Variants in GPT2 observed in about 807,000 individuals in gnomAD.
GPT2 encodes alanine aminotransferase 2.
GPT2 carries 30 observed loss-of-function variants against 56.9 expected under a neutral mutation model. That is an observed-to-expected ratio of 0.53 (90% confidence interval 0.39 to 0.72). The LOEUF (loss-of-function observed/expected upper bound fraction) is 0.72. Ranked by LOEUF, GPT2 falls within the 30% of genes least tolerant of loss-of-function variation. The probability of loss-of-function intolerance (pLI) is 0.00; values close to 1 mark genes in which losing one functional copy is unlikely to be tolerated. For synonymous variants in GPT2, 271 were observed against 283.1 expected (o/e 0.96, Z 0.43); for missense variants, 542 against 703.4 (o/e 0.77, Z 2.60).
intron 2 of GPT2, chr16:46,885,221 G>A: frequency 7.3e-6 from 9 of 1,233,292 alleles, no homozygotes; most frequent in Admixed American, 4.2e-5. Context: ...GCCAGGCACC[G>A]CACGTTGTGT....
intron 6 of GPT2, 59 bp from the exon 7 acceptor site, chr16:46,916,569 C>T (rs1337648718): frequency 7.6e-7 from 1 of 1,314,296 alleles, no homozygotes; most frequent in Non-Finnish European, 1.1e-6. Context: ...GGCTTCTGAC[C>T]TGGGGACAAT....
At chr16:46,917,675 C>T (rs899184152) in intron 7 of GPT2, among the ~76,000 whole-genome samples, 1 of 152,070 alleles carries the variant, frequency 6.6e-6, no homozygotes, top group African/African-American at 2.4e-5. Context: ...ATGCCACACA[C>T]ATAAATGCAG....
chr16:46,901,439 C>T (rs1960815015), intron 4 of GPT2, among the ~76,000 whole-genome samples: 1 of 152,202 alleles, frequency 6.6e-6, no homozygotes, highest in African/African-American at 2.4e-5. Context: ...GATTCTCTCC[C>T]TCCCCTGCGG....
At chr16:46,888,305 A>G (rs774354469) in intron 2 of GPT2, among the ~76,000 whole-genome samples, 6 of 152,228 alleles carry the variant, frequency 3.9e-5, no homozygotes, top group African/African-American at 9.6e-5. Flanking sequence ...TGCCAAGCAC[A>G]TGTGTTGAAT....
intron 4 of GPT2, among the ~76,000 whole-genome samples, chr16:46,902,966 G>C (rs1041921574): frequency 9.9e-5 from 15 of 151,810 alleles, no homozygotes; most frequent in African/African-American, 2.9e-4. Flanking sequence ...ATTATTTCTT[G>C]GGCCGGGCGT....
rs961662894 is a variant in GPT2, at chr16:46,888,126, T to C, written c.243+3168T>C. On this transcript the variant is annotated intron_variant, in intron 2 of 11. Coordinates refer to ENST00000340124, the MANE Select transcript of GPT2 (RefSeq NM_133443.4). ...TGGTACAAGTGGAGACAGGAATGGCTTTGCTTCTGGTTGTAAGGCAACAGT... is the reference window on the plus strand; with the variant it reads ...TGGTACAAGTGGAGACAGGAATGGCCTTGCTTCTGGTTGTAAGGCAACAGT... 7.2e-5 allele frequency among the ~76,000 whole-genome samples: 11 copies of C among 152,348 alleles called. No individual in the cohort carries two copies. In the South Asian group the frequency reaches 1.2e-3, roughly 17 times the overall value.
At chr16:46,906,439 G>T (rs182752975) in intron 4 of GPT2, among the ~76,000 whole-genome samples, 29 of 152,302 alleles carry the variant, frequency 1.9e-4, no homozygotes, top group Non-Finnish European at 3.4e-4. Context: ...CATGGTAAAG[G>T]CATGGGAATC....
rs1961498012 is a variant in GPT2, at chr16:46,929,743, C to T, written c.*746C>T. 1 of 152,426 alleles carries T rather than the reference C, an allele frequency of 6.6e-6. No individual in the cohort carries two copies. Among genetic ancestry groups the T allele is most frequent in the Non-Finnish European group, 1.5e-5 (1 of 68,196 alleles). The allele number at this position is 152,426 out of a possible 1,614,324, so 9.4% of individuals were successfully genotyped here. A position where few individuals can be genotyped will look rare whatever the true frequency, so the allele number is the denominator to read the frequency against. On this transcript the variant is annotated 3_prime_UTR_variant, in exon 12 of 12. Transcript: ENST00000340124. ...CCCTTGAACATGCGTAGGCTGGAAC[C>T]CCGTCTGAGAGGTCTCCCTGAATTT...
At chr16:46,891,186 T>G (rs1960577503) in intron 2 of GPT2, among the ~76,000 whole-genome samples, 1 of 152,146 alleles carries the variant, frequency 6.6e-6, no homozygotes, top group Non-Finnish European at 1.5e-5. Context: ...AAATACAGTA[T>G]TATTAATTAT....
At chr16:46,892,767 T>C (rs1366836776) in intron 2 of GPT2, among the ~76,000 whole-genome samples, 3 of 152,226 alleles carry the variant, frequency 2.0e-5, no homozygotes, top group African/African-American at 7.2e-5. Flanking sequence ...TCAGGTTTAA[T>C]CAGTTTTTTT....
At chr16:46,908,593 C>T (rs1195674934) in intron 5 of GPT2, among the ~76,000 whole-genome samples, 2 of 152,156 alleles carry the variant, frequency 1.3e-5, no homozygotes, top group Non-Finnish European at 2.9e-5. Context: ...ACGTTAAGCT[C>T]TTATTGGAGC....
At chr16:46,891,253 A>AT (rs1042298669) in intron 2 of GPT2, among the ~76,000 whole-genome samples, 1 of 144,054 alleles carries the variant, frequency 6.9e-6, no homozygotes, top group Non-Finnish European at 1.5e-5. Context: ...TTAAATTACT[A>AT]TTTTTTTGAG....
chr16:46,910,062 C>A, intron 6 of GPT2, 135 bp downstream of exon 6: 2 of 1,252,402 alleles, frequency 1.6e-6, no homozygotes, highest in African/African-American at 1.5e-5. Context: ...AACCTAAAGC[C>A]ATGAAATTTG....
intron 2 of GPT2, chr16:46,885,433 C>A: frequency 5.2e-6 from 5 of 969,470 alleles, no homozygotes; most frequent in Non-Finnish European, 4.9e-6. Flanking sequence ...TGGTTCTGTT[C>A]CCCAGTCTCT....
rs1427250183 is a variant in GPT2 at position 46,884,910 on chromosome 16, G to C, written c.195G>C (p.Arg65=). ...TGAAGGCGGTGGAGTACGCCGTGCG[G>C]GGACCCATCGTGCTCAAGGCCGGCG... The part of the protein sequence containing the change: ...PQVKAVEYAV[R]GPIVLKAGEI... Residue 65 remains arginine (R), a synonymous_variant, in exon 2 of 12, where the codon CGG becomes CGC. Coordinates refer to ENST00000340124, the MANE Select transcript of GPT2 (RefSeq NM_133443.4). 5.2e-6 allele frequency: 8 copies of C among 1,540,406 alleles called. No individual in the cohort carries two copies. The highest frequency in any genetic ancestry group is 7.0e-6 in the Non-Finnish European group (8 of 1,142,726).
chr16:46,908,924 G>C (rs1960989252), intron 5 of GPT2, among the ~76,000 whole-genome samples: 1 of 152,202 alleles, frequency 6.6e-6, no homozygotes, highest in Non-Finnish European at 1.5e-5. Flanking sequence ...TCCCTGCAGA[G>C]GGTTTTGTCT....
chr16:46,892,181 A>G (rs1348679741), intron 2 of GPT2, among the ~76,000 whole-genome samples: 2 of 152,158 alleles, frequency 1.3e-5, no homozygotes, highest in Non-Finnish European at 2.9e-5. Flanking sequence ...GAGATCATAC[A>G]GTGTTTGTCT....
Position 46,924,436 on chromosome 16 carries a change from G to A in GPT2, c.1260G>A (p.Thr420=), listed in dbSNP as rs115072332. ...ATCTGGCCAAAAAAGCAAAGCTGAC[G>A]GAAGACCTGTTTAACCAAGTCCCAG... ...LGNLAKKAKL[T]EDLFNQVPGI... The change falls in exon 10 of 12, where the codon ACG becomes ACA. Residue 420 remains threonine, a synonymous_variant. Transcript: ENST00000340124. The A allele has an allele frequency of 8.1e-3, 13,029 of 1,614,188 alleles. 73 individuals are homozygous for A. The highest frequency in any genetic ancestry group is 0.01 in the Non-Finnish European group (11,925 of 1,180,014).
In GPT2 at chr16:46,909,899, C is replaced by T; in HGVS notation, c.792C>T (p.Leu264=). The part of the protein sequence containing the change: ...EAKDHCDPKV[L]CIINPGNPTG... ...AAGACCACTGTGATCCTAAGGTGCT[C>T]TGCATAATCAACCCTGGGAACCCCA... The change falls in exon 6 of 12, where the codon CTC becomes CTT. Residue 264 remains leucine (L), a synonymous_variant. Transcript: ENST00000340124. 1.2e-6 allele frequency: 2 copies of T among 1,612,754 alleles called. No individual in the cohort carries two copies. Among genetic ancestry groups the T allele is most frequent in the Non-Finnish European group, 1.7e-6 (2 of 1,178,996 alleles).
Sources: gnomAD v4.1 joint callset for allele counts (sites outside exome capture counted in the v4.1 genomes callset) on GRCh38, gnomAD v4.1.1 for gene constraint, MANE v1.5 for transcripts, NCBI Gene and HGNC (gene_info 2026-07-23, HGNC 2026-07-21) for gene names.